NCOA3: variants seen among roughly 807,000 people sequenced by gnomAD.
NCOA3 encodes CBP-interacting protein.
Under a neutral mutation model 158.8 loss-of-function variants are expected in NCOA3, and 51 were observed. The ratio of observed to expected loss-of-function variants is 0.32; its 90% confidence interval spans 0.26 to 0.41. The LOEUF (loss-of-function observed/expected upper bound fraction) is 0.41. Ranked by LOEUF, NCOA3 falls within the 10% of genes least tolerant of loss-of-function variation. NCOA3 has a pLI of 1.00. For missense variants in NCOA3, 1,510 were observed against 1,746.6 expected, an observed-to-expected ratio of 0.86 and a Z score of 2.41; for synonymous variants, 537 against 592.4, an observed-to-expected ratio of 0.91 and a Z score of 1.36.
At chr20:47,503,853 A>C (rs938661547) in intron 1 of NCOA3, among the ~76,000 whole-genome samples, 1 of 152,196 alleles carries the variant, frequency 6.6e-6, no homozygotes, top group African/African-American at 2.4e-5. Context: ...CTGCATTTCA[A>C]TGAGCAGAAA....
In NCOA3 at chr20:47,653,065, C is replaced by T; in HGVS notation, c.4256C>T (p.Pro1419Leu). 6.2e-7 allele frequency: 1 copy of T among 1,614,190 alleles called. No individual in the cohort carries two copies. The highest frequency in any genetic ancestry group is 2.2e-5 in the East Asian group (1 of 44,890). ...CCCATGTCTGGCATGCCTATGGGTC[C>T]TGATCAGGTATGGGATCGATTCCTT... ...PMPMSGMPMG[P>L]DQKYC is the part of the protein sequence containing the mutation. Residue 1419 changes from proline to leucine, a missense_variant, in exon 22 of 23, where the codon CCT becomes CTT. Transcript: ENST00000371998.
intron 1 of NCOA3, among the ~76,000 whole-genome samples, chr20:47,525,717 C>T (rs1437203175): frequency 9.1e-5 from 9 of 99,238 alleles, no homozygotes; most frequent in Non-Finnish European, 1.5e-4. Context: ...GGGGGGCTGA[C>T]CCCCCCACCT....
intron 2 of NCOA3, among the ~76,000 whole-genome samples, chr20:47,620,282 A>T (rs1311833231): frequency 2.0e-5 from 3 of 148,556 alleles, no homozygotes; most frequent in East Asian, 1.9e-4. Flanking sequence ...GCTTATTTTT[A>T]AAAAAATTTT....
At chr20:47,533,246 C>T (rs906236569) in intron 1 of NCOA3, among the ~76,000 whole-genome samples, 11 of 136,352 alleles carry the variant, frequency 8.1e-5, no homozygotes, top group African/African-American at 2.8e-4. Context: ...GAACACACCA[C>T]TGCATTCCAG....
intron 1 of NCOA3, among the ~76,000 whole-genome samples, chr20:47,546,347 C>T (rs886427631): frequency 5.3e-5 from 8 of 152,116 alleles, no homozygotes; most frequent in African/African-American, 1.7e-4. Flanking sequence ...AATAAGTCTT[C>T]CTGCATTTTA....
rs2086451506 is a variant in NCOA3 at position 47,633,206 on chromosome 20, ATACT to A, written c.824-288_824-285del. Among the ~76,000 whole-genome samples, 6 of 152,310 alleles carry A rather than the reference ATACT, an allele frequency of 3.9e-5. No individual in the cohort carries two copies. In the South Asian group the frequency reaches 1.2e-3, roughly 32 times the overall value. The stretch of plus-strand genomic sequence containing the variant: ...GGGGCTCTTTATGAATAACTTGAAA[ATACT>A]TTTATTACTCAGGAAATTCTGAGGA... On this transcript the variant is annotated intron_variant, in intron 8 of 22. Coordinates refer to ENST00000371998, the MANE Select transcript of NCOA3 (RefSeq NM_181659.3).
At chr20:47,560,478 G>A (rs975447008) in intron 1 of NCOA3, among the ~76,000 whole-genome samples, 4 of 152,174 alleles carry the variant, frequency 2.6e-5, no homozygotes, top group Non-Finnish European at 5.9e-5. Flanking sequence ...CTGCCAAACT[G>A]TCTTCTGAAG....
intron 2 of NCOA3, among the ~76,000 whole-genome samples, chr20:47,594,383 C>T (rs1378895078): frequency 6.6e-6 from 1 of 152,080 alleles, no homozygotes; most frequent in East Asian, 1.9e-4. Context: ...AAAGTCTTGG[C>T]CAGGTGCAGT....
At chr20:47,579,027 T>C (rs2085413594) in intron 1 of NCOA3, among the ~76,000 whole-genome samples, 1 of 152,210 alleles carries the variant, frequency 6.6e-6, no homozygotes, top group South Asian at 2.1e-4. Context: ...TCTCCCCAAT[T>C]TTATTCTTTG....
intron 1 of NCOA3, among the ~76,000 whole-genome samples, chr20:47,520,197 A>G (rs1009919341): frequency 3.3e-5 from 5 of 151,956 alleles, no homozygotes; most frequent in African/African-American, 1.2e-4. Flanking sequence ...GAAGACCTTC[A>G]ATTATCAATT....
chr20:47,604,950 T>C (rs1435565203), intron 2 of NCOA3, among the ~76,000 whole-genome samples: 1 of 152,144 alleles, frequency 6.6e-6, no homozygotes, highest in Non-Finnish European at 1.5e-5. Context: ...CACTGCAACC[T>C]TCACCTCCAA....
chr20:47,649,264 AT>A (rs1568756889), intron 19 of NCOA3, among the ~76,000 whole-genome samples, 155 bp downstream of exon 19: 1 of 152,208 alleles, frequency 6.6e-6, no homozygotes, highest in Non-Finnish European at 1.5e-5. Flanking sequence ...CGACTCTTCC[AT>A]TCTTCTCTCT....
intron 1 of NCOA3, among the ~76,000 whole-genome samples, chr20:47,570,408 T>C (rs1418421601): frequency 6.6e-6 from 1 of 152,186 alleles, no homozygotes; most frequent in African/African-American, 2.4e-5. Flanking sequence ...CCACTGCATT[T>C]CAGCCTAGGT....
chr20:47,648,201 G>A (rs923443717), intron 18 of NCOA3, among the ~76,000 whole-genome samples: 6 of 151,674 alleles, frequency 4.0e-5, no homozygotes, highest in South Asian at 2.1e-4. Flanking sequence ...CACCGTGTGC[G>A]GCCAAATGCC....
chr20:47,652,659 CT>C, intron 21 of NCOA3, 79 bp downstream of exon 21: 4 of 1,382,538 alleles, frequency 2.9e-6, no homozygotes, highest in Non-Finnish European at 4.0e-6. Context: ...TCAGTCAAGC[CT>C]TTTTGGATGG....
chr20:47,648,179 AC>A (rs1206741680), intron 18 of NCOA3, among the ~76,000 whole-genome samples: 1 of 152,122 alleles, frequency 6.6e-6, no homozygotes, highest in African/African-American at 2.4e-5. Flanking sequence ...TGCTGGGATT[AC>A]AGGTGTGAGC....
chr20:47,514,361 CA>C, intron 1 of NCOA3, among the ~76,000 whole-genome samples: 1 of 152,110 alleles, frequency 6.6e-6, no homozygotes, highest in South Asian at 2.1e-4. Context: ...ACTGAAAAAA[CA>C]GTATAAATTT....
At chr20:47,535,784 G>A (rs1001118273) in intron 1 of NCOA3, among the ~76,000 whole-genome samples, 4 of 152,054 alleles carry the variant, frequency 2.6e-5, no homozygotes, top group African/African-American at 9.7e-5. Context: ...GGGATTACAG[G>A]TATGAGCCAC....
chr20:47,611,223 A>C (rs549898672), intron 2 of NCOA3, among the ~76,000 whole-genome samples: 21 of 152,242 alleles, frequency 1.4e-4, no homozygotes, highest in Admixed American at 8.5e-4. Flanking sequence ...TTGCTTATTA[A>C]TTTAATTTAT....
Sources: allele counts gnomAD v4.1 joint callset (sites outside exome capture counted in the v4.1 genomes callset), GRCh38; gene constraint gnomAD v4.1.1; transcripts MANE v1.5; gene names NCBI Gene and HGNC (gene_info 2026-07-23, HGNC 2026-07-21).